NKAIN2: variants seen among roughly 807,000 people sequenced by gnomAD.
NKAIN2 encodes sodium/potassium transporting ATPase interacting 2, also known as sodium/potassium-transporting ATPase subunit beta-1-interacting protein 2.
NKAIN2 carries 14 observed loss-of-function variants against 32.6 expected under a neutral mutation model. The ratio of observed to expected loss-of-function variants is 0.43; its 90% confidence interval spans 0.28 to 0.67. NKAIN2 has a LOEUF of 0.67. NKAIN2 is among the 30% of genes least tolerant of loss of function. The probability of loss-of-function intolerance (pLI) is 0.17; values close to 1 mark genes in which losing one functional copy is unlikely to be tolerated. For synonymous variants in NKAIN2, 80 were observed against 87.2 expected (o/e 0.92, Z 0.46); for missense variants, 198 against 258.3 (o/e 0.77, Z 1.60).
chr6:123,968,785 A>G (rs1221427882), intron 1 of NKAIN2, among the ~76,000 whole-genome samples: 1 of 152,134 alleles, frequency 6.6e-6, no homozygotes, highest in Non-Finnish European at 1.5e-5. Context: ...CTCACCATTA[A>G]TTGTGAACTC....
At chr6:123,896,809 T>C (rs2114396679) in intron 1 of NKAIN2, among the ~76,000 whole-genome samples, 1 of 152,318 alleles carries the variant, frequency 6.6e-6, no homozygotes, top group East Asian at 1.9e-4. Flanking sequence ...AATTTATAAC[T>C]TTAGATCCCA....
At chr6:123,811,514 G>GA (rs1554208762) in intron 1 of NKAIN2, among the ~76,000 whole-genome samples, 2 of 151,850 alleles carry the variant, frequency 1.3e-5, no homozygotes, top group African/African-American at 4.8e-5. Flanking sequence ...AATATACCAA[G>GA]GAGCTTAGTG....
intron 1 of NKAIN2, among the ~76,000 whole-genome samples, chr6:123,850,206 C>T (rs1252440463): frequency 6.6e-6 from 1 of 151,600 alleles, no homozygotes; most frequent in African/African-American, 2.4e-5. Flanking sequence ...TCAGAACATT[C>T]TCCTGAGCTC....
At chr6:124,085,199 A>G (rs1366456500) in intron 1 of NKAIN2, among the ~76,000 whole-genome samples, 1 of 152,078 alleles carries the variant, frequency 6.6e-6, no homozygotes, top group Admixed American at 6.6e-5. Flanking sequence ...TGGAATTCAC[A>G]TTTATGTGGC....
chr6:124,022,182 A>G (rs758823447), intron 1 of NKAIN2, among the ~76,000 whole-genome samples: 1 of 152,052 alleles, frequency 6.6e-6, no homozygotes, highest in Admixed American at 6.6e-5. Context: ...GCTCAGAATG[A>G]TGATTTCCAG....
At chr6:124,068,713 T>C (rs1423933134) in intron 1 of NKAIN2, among the ~76,000 whole-genome samples, 1 of 151,976 alleles carries the variant, frequency 6.6e-6, no homozygotes, top group South Asian at 2.1e-4. Flanking sequence ...TCTACTGCCC[T>C]CTGAGCTTCT....
chr6:123,961,151 A>G (rs575289255), intron 1 of NKAIN2, among the ~76,000 whole-genome samples: 1 of 152,140 alleles, frequency 6.6e-6, no homozygotes, highest in East Asian at 1.9e-4. Context: ...GTTGGCAACC[A>G]TAAATCTGGA....
intron 3 of NKAIN2, among the ~76,000 whole-genome samples, chr6:124,488,947 T>G (rs1462309681): frequency 6.6e-6 from 1 of 151,888 alleles, no homozygotes; most frequent in Non-Finnish European, 1.5e-5. Context: ...TCCTTTCTAT[T>G]CCTTCTATCT....
intron 1 of NKAIN2, among the ~76,000 whole-genome samples, chr6:123,954,055 T>C (rs1777451976): frequency 6.6e-6 from 1 of 152,148 alleles, no homozygotes; most frequent in African/African-American, 2.4e-5. Flanking sequence ...TATGTGGAAG[T>C]GGCCCATGCT....
chr6:124,302,496 T>C (rs1347748262), intron 2 of NKAIN2, among the ~76,000 whole-genome samples: 1 of 152,218 alleles, frequency 6.6e-6, no homozygotes, highest in Admixed American at 6.5e-5. Flanking sequence ...TATGCTAATA[T>C]GTCAAAATGG....
At chr6:124,454,636 A>G (rs1776251052) in intron 3 of NKAIN2, among the ~76,000 whole-genome samples, 2 of 152,104 alleles carry the variant, frequency 1.3e-5, no homozygotes, top group Admixed American at 6.6e-5. Flanking sequence ...TCTTTTAGGT[A>G]ACAATCAGTG....
At chr6:124,454,347 AT>A (rs527968498) in intron 3 of NKAIN2, among the ~76,000 whole-genome samples, 78 of 152,178 alleles carry the variant, frequency 5.1e-4, no homozygotes, top group Non-Finnish European at 9.1e-4. Flanking sequence ...CATAAATAAA[AT>A]TGTAGAGGTG....
At chr6:123,924,513 T>A (rs1775917537) in intron 1 of NKAIN2, among the ~76,000 whole-genome samples, 1 of 152,244 alleles carries the variant, frequency 6.6e-6, no homozygotes, top group African/African-American at 2.4e-5. Flanking sequence ...TACAGAATTA[T>A]ATGTTTATAA....
intron 1 of NKAIN2, among the ~76,000 whole-genome samples, chr6:123,853,106 A>G (rs955683651): frequency 1.3e-5 from 2 of 152,216 alleles, no homozygotes; most frequent in African/African-American, 4.8e-5. Flanking sequence ...CACAGAGTAC[A>G]GTAAAGATAT....
intron 1 of NKAIN2, among the ~76,000 whole-genome samples, chr6:124,202,781 A>G (rs1790657762): frequency 6.6e-6 from 1 of 151,894 alleles, no homozygotes; most frequent in African/African-American, 2.4e-5. Context: ...GCTACAAGTA[A>G]TAGCTCTTTT....
chr6:124,239,442 A>G (rs1562443598), intron 1 of NKAIN2, among the ~76,000 whole-genome samples: 1 of 152,298 alleles, frequency 6.6e-6, no homozygotes, highest in East Asian at 1.9e-4. Flanking sequence ...CAGAATATAC[A>G]TTCTTCTCAG....
intron 3 of NKAIN2, among the ~76,000 whole-genome samples, chr6:124,479,588 A>G (rs985140912): frequency 4.6e-5 from 7 of 152,178 alleles, no homozygotes; most frequent in African/African-American, 1.7e-4. Flanking sequence ...GAAAGCTGTA[A>G]CATTTTAAGT....
chr6:123,895,233 A>T (rs140236572), intron 1 of NKAIN2, among the ~76,000 whole-genome samples: 4 of 151,894 alleles, frequency 2.6e-5, no homozygotes, highest in Non-Finnish European at 4.4e-5. Flanking sequence ...ACACACACAC[A>T]TACACACAGC....
At chr6:124,306,093 G>C (rs145089943) in intron 2 of NKAIN2, among the ~76,000 whole-genome samples, 1 of 152,174 alleles carries the variant, frequency 6.6e-6, no homozygotes, top group Non-Finnish European at 1.5e-5. Flanking sequence ...GCAAGGATTT[G>C]CTGAGGAAAA....
Sources: gnomAD v4.1 joint callset for allele counts (sites outside exome capture counted in the v4.1 genomes callset) on GRCh38, gnomAD v4.1.1 for gene constraint, MANE v1.5 for transcripts, NCBI Gene and HGNC (gene_info 2026-07-23, HGNC 2026-07-21) for gene names.